TJP1: variants seen among roughly 807,000 people sequenced by gnomAD.
TJP1 encodes tight junction protein 1.
In TJP1, 43 loss-of-function variants were observed where a neutral mutation model predicts 194.2. The observed-to-expected ratio is 0.22, with a 90% confidence interval of 0.17 to 0.29. TJP1 has a LOEUF of 0.29. Among genes scored for constraint, TJP1 ranks in the 10% least tolerant of loss-of-function variants. TJP1 has a pLI of 1.00. For synonymous variants in TJP1, 801 were observed against 779.0 expected (o/e 1.03, Z -0.47); for missense variants, 1,971 against 2,185.7 (o/e 0.90, Z 1.96).
Position 29,718,935 on chromosome 15 carries a change from C to A in TJP1, c.3207G>T (p.Gln1069His), listed in dbSNP as rs753455020. 62 of 1,614,156 alleles carry A rather than the reference C, an allele frequency of 3.8e-5. No individual in the cohort carries two copies. The Admixed American group carries it at 1.0e-3, about 26-fold the overall frequency. ...GACGATGTTCATAGTTTCGAGAAAACTGGTCCGTATAGCTTGAGGACTCGT... is the reference window on the plus strand; with the variant it reads ...GACGATGTTCATAGTTTCGAGAAAAATGGTCCGTATAGCTTGAGGACTCGT... ...YRYESSSYTD[Q>H]FSRNYEHRLR... The change falls in exon 21 of 28, where the codon CAG becomes CAT. Residue 1069 changes from glutamine (Q) to histidine (H), a missense_variant. By Grantham distance (24) the Gln-to-His change is conservative (BLOSUM62 0). Around this residue, in one of 5 missense-constraint regions of TJP1, gnomAD observed 1,108 missense variants for 1,128.5 expected, o/e 0.98. Coordinates refer to ENST00000614355, the MANE Select transcript of TJP1 (RefSeq NM_001330239.4).
Position 29,890,168 on chromosome 15 carries a change from T to C in TJP1, c.306+66064A>G, listed in dbSNP as rs369629472. Among the ~76,000 whole-genome samples the C allele has an allele frequency of 1.5e-4, 23 of 152,144 alleles. No individual in the cohort carries two copies. In the East Asian group the frequency reaches 4.1e-3, roughly 27 times the overall value. On this transcript the variant is annotated intron_variant, in intron 2 of 28. Coordinates refer to the TJP1 transcript ENST00000356107. ...CCGACCTTGAGTCCACCTCGCCAAA[T>C]GTGAAAGCCCAACGAAACTGGGAGG...
chr15:29,924,948 G>A (rs1719350), intron 2 of TJP1, among the ~76,000 whole-genome samples: 28,848 of 152,048 alleles, frequency 0.19, 2,806 homozygotes, highest in East Asian at 0.34. Context: ...GAAATGCTGG[G>A]GCAGGAAGTC....
At chr15:29,934,116 G>A (rs1408851238) in intron 2 of TJP1, among the ~76,000 whole-genome samples, 1 of 152,200 alleles carries the variant, frequency 6.6e-6, no homozygotes, top group Non-Finnish European at 1.5e-5. Flanking sequence ...CAAAACAACT[G>A]AAACTATGGG....
chr15:29,772,371 T>C (rs2046747428), intron 3 of TJP1, among the ~76,000 whole-genome samples: 1 of 152,186 alleles, frequency 6.6e-6, no homozygotes, highest in Non-Finnish European at 1.5e-5. Flanking sequence ...TAACCACAGG[T>C]CCTTAATTTT....
intron 9 of TJP1, 68 bp from the exon 10 acceptor site, chr15:29,741,504 CAATATATGATTCAT>C: frequency 9.7e-7 from 1 of 1,026,612 alleles, no homozygotes; most frequent in Non-Finnish European, 1.5e-6. Context: ...AGCAACCAAG[CAATATATGATTCAT>C]AAGTTCAGAG....
At chr15:29,923,646 G>C (rs2152255228) in intron 2 of TJP1, among the ~76,000 whole-genome samples, 1 of 152,290 alleles carries the variant, frequency 6.6e-6, no homozygotes, top group African/African-American at 2.4e-5. Flanking sequence ...TGCAGACTTG[G>C]GATGGAGGTA....
rs368446181 is a variant in TJP1 at position 29,732,438 on chromosome 15, A to G, written c.2012T>C (p.Ile671Thr). Reference protein sequence around the residue: ...LAREEPDIYQIAKSEPRDAGT... With the variant: ...LAREEPDIYQTAKSEPRDAGT... The stretch of plus-strand genomic sequence containing the variant: ...TTAGCCTTGAGGCTACTTACTTGCA[A>G]TTTGATAAATATCTGGTTCTTCTCT... Residue 671 changes from isoleucine to threonine, a missense_variant, in exon 15 of 28, where the codon ATT becomes ACT. Coordinates refer to ENST00000614355, the MANE Select transcript of TJP1 (RefSeq NM_001330239.4). 3.0e-5 allele frequency: 49 copies of G among 1,613,022 alleles called. No individual in the cohort carries two copies. Among genetic ancestry groups the G allele is most frequent in the African/African-American group, 4.0e-5 (3 of 75,000 alleles).
intron 1 of TJP1, among the ~76,000 whole-genome samples, chr15:29,801,193 C>T (rs918322997): frequency 3.3e-5 from 5 of 152,184 alleles, no homozygotes; most frequent in African/African-American, 1.2e-4. Context: ...ACAAACATGA[C>T]TACTCTACCT....
chr15:29,915,098 A>G (rs1050246530), intron 2 of TJP1, among the ~76,000 whole-genome samples: 7 of 152,232 alleles, frequency 4.6e-5, no homozygotes, highest in African/African-American at 1.7e-4. Flanking sequence ...ATTATCTGTA[A>G]AAAGGAGGAA....
At chr15:29,862,450 A>C (rs1483797557) in intron 2 of TJP1, among the ~76,000 whole-genome samples, 1 of 151,922 alleles carries the variant, frequency 6.6e-6, no homozygotes, top group Non-Finnish European at 1.5e-5. Flanking sequence ...GGATCATTCT[A>C]GGCAAAACAA....
rs577199204 is a variant in TJP1, at chr15:29,703,767, C to T, written c.5212+395G>A. Among the ~76,000 whole-genome samples the T allele has an allele frequency of 1.2e-3, 185 of 152,022 alleles. 1 individual carries two copies. Among genetic ancestry groups the T allele is most frequent in the African/African-American group, 4.2e-3 (175 of 41,528 alleles). Reference sequence around the variant, plus strand: ...AAGCAATTCTCCTGCCTCAGCCTCCCGAGTAGCTGGGATTACAGGTGTGTG... The same window carrying T: ...AAGCAATTCTCCTGCCTCAGCCTCCTGAGTAGCTGGGATTACAGGTGTGTG... On this transcript the variant is annotated intron_variant, in intron 27 of 27. Coordinates refer to ENST00000614355, the MANE Select transcript of TJP1 (RefSeq NM_001330239.4).
chr15:29,833,871 A>ATTTTT (rs1567116902), intron 2 of TJP1, among the ~76,000 whole-genome samples: 7 of 18,360 alleles, frequency 3.8e-4, no homozygotes, highest in Non-Finnish European at 6.4e-4. Context: ...ATATATATAT[A>ATTTTT]TATATATATA....
At chr15:29,893,810 G>A (rs368669250) in intron 2 of TJP1, among the ~76,000 whole-genome samples, 3 of 151,978 alleles carry the variant, frequency 2.0e-5, no homozygotes, top group East Asian at 3.9e-4. Context: ...TTATTGTGGT[G>A]GTCTGGAATC....
At chr15:29,795,963 A>C (rs1432448241) in intron 2 of TJP1, among the ~76,000 whole-genome samples, 1 of 152,152 alleles carries the variant, frequency 6.6e-6, no homozygotes, top group Non-Finnish European at 1.5e-5. Flanking sequence ...TTCATGATTA[A>C]AAACAACCAT....
chr15:29,719,875 G>A lies in TJP1; in HGVS notation c.2905C>T (p.Pro969Ser). 6.2e-7 allele frequency: 1 copy of A among 1,614,174 alleles called. No individual in the cohort carries two copies. The highest frequency in any genetic ancestry group is 1.1e-5 in the South Asian group (1 of 91,072). Residue 969 changes from proline (P) to serine (S), a missense_variant, in exon 20 of 28, where the codon CCA (proline) becomes TCA (serine). Pro to Ser is a moderately conservative substitution (Grantham distance 74, BLOSUM62 -1). Transcript: ENST00000614355. ...GGTGTTCTTAAAGAATCAGCTTGTG[G>A]TGAGTAAGAGGTGGAAGGAGCTGGG... ...PTPAPSTSYS[P>S]QADSLRTPST... is the part of the protein sequence containing the mutation.
chr15:29,777,299 T>A lies in TJP1; in HGVS notation c.85-3942A>T, dbSNP rs543570654. On this transcript the variant is annotated intron_variant, in intron 2 of 27. Coordinates refer to ENST00000614355, the MANE Select transcript of TJP1 (RefSeq NM_001330239.4). ...GATTTGGGCTACAAAGCCCACAGTT[T>A]TAACCGCCATTGTTTCTGAACCTTC... Among the ~76,000 whole-genome samples the A allele has an allele frequency of 7.9e-5, 12 of 152,298 alleles. No individual in the cohort carries two copies. In the East Asian group the frequency reaches 2.1e-3, roughly 27 times the overall value.
rs750085539 is a variant in TJP1 at position 29,766,302 on chromosome 15, T to C, written c.553A>G (p.Thr185Ala). 5.6e-6 allele frequency: 9 copies of C among 1,613,870 alleles called. No homozygotes were observed. Among genetic ancestry groups the C allele is most frequent in the Admixed American group, 5.0e-5 (3 of 59,942 alleles). ...CGGGATTTCACCAGTGTGACTTTAG[T>C]AGGTTTAGCAGGCTGGCTGGAAGCC... Reference protein sequence around the residue: ...SVASSQPAKPTKVTLVKSRKN... With the variant: ...SVASSQPAKPAKVTLVKSRKN... Residue 185 changes from threonine (T) to alanine (A), a missense_variant, in exon 5 of 28, where the codon ACT (threonine) becomes GCT (alanine). Coordinates refer to ENST00000614355, the MANE Select transcript of TJP1 (RefSeq NM_001330239.4).
At chr15:29,714,604 G>A (rs1263580383) in intron 23 of TJP1, among the ~76,000 whole-genome samples, 6 of 129,894 alleles carry the variant, frequency 4.6e-5, no homozygotes, top group South Asian at 2.6e-4. Flanking sequence ...CCAGTGGCAC[G>A]ATCTCGGCTC....
intron 2 of TJP1, among the ~76,000 whole-genome samples, chr15:29,792,341 C>A (rs2048150645): frequency 6.6e-6 from 1 of 152,186 alleles, no homozygotes; most frequent in South Asian, 2.1e-4. Flanking sequence ...CTTCCCAGCA[C>A]CATTTATTGC....
Sources: allele counts gnomAD v4.1 joint callset (sites outside exome capture counted in the v4.1 genomes callset), GRCh38; gene constraint gnomAD v4.1.1; regional missense constraint gnomAD v4.1.1; transcripts MANE v1.5; gene names NCBI Gene and HGNC (gene_info 2026-07-23, HGNC 2026-07-21).